Variants in HECW2 observed in about 807,000 individuals in gnomAD.
The protein encoded by HECW2 is E3 ubiquitin-protein ligase HECW2.
In HECW2, 61 loss-of-function variants were observed where a neutral mutation model predicts 175.2. The ratio of observed to expected loss-of-function variants is 0.35; its 90% CI spans 0.28 to 0.43. HECW2 has a LOEUF of 0.43. Among genes scored for constraint, HECW2 ranks in the 20% least tolerant of loss-of-function variants. The pLI, the probability that HECW2 is intolerant of heterozygous loss-of-function variation, is 1.00. For missense variants in HECW2, 1,524 were observed against 2,000.5 expected, an observed-to-expected ratio of 0.76 and a Z score of 4.54; for synonymous variants, 671 against 731.0, an observed-to-expected ratio of 0.92 and a Z score of 1.32.
chr2:196,303,804 T>C (rs1177982617), intron 13 of HECW2, among the ~76,000 whole-genome samples: 1 of 152,260 alleles, frequency 6.6e-6, no homozygotes, highest in African/African-American at 2.4e-5. Context: ...ATCTCTTTTC[T>C]ACTTTATTAG....
rs779364588 is a variant in HECW2, at chr2:196,248,631, C to CACACACAG, written c.3529+5288_3529+5289insCTGTGTGT. On this transcript the variant is annotated intron_variant, in intron 19 of 28. Coordinates refer to ENST00000644978, the MANE Select transcript of HECW2 (RefSeq NM_001348768.2). Reference sequence around the variant, plus strand: ...ACACACACACACACACACACACACACAGAGAGAGACAGAGAGGAATAGAGA... The same window carrying CACACACAG: ...ACACACACACACACACACACACACACACACACAGAGAGAGAGACAGAGAGGAATAGAGA... Among the ~76,000 whole-genome samples the CACACACAG allele has an allele frequency of 1.8e-3, 273 of 148,482 alleles. 4 individuals carry two copies. The highest frequency in any genetic ancestry group is 4.3e-3 in the African/African-American group (170 of 39,444).
intron 1 of HECW2, among the ~76,000 whole-genome samples, chr2:196,509,453 A>C (rs1031113275): frequency 1.3e-5 from 2 of 152,188 alleles, no homozygotes; most frequent in African/African-American, 4.8e-5. Context: ...CTGGAAGTCA[A>C]GGAGTAGGGC....
Position 196,329,588 on chromosome 2 carries a change from G to C in HECW2, c.558C>G (p.Ser186Arg). 6.2e-7 allele frequency: 1 copy of C among 1,613,260 alleles called. No homozygotes were observed. The highest frequency in any genetic ancestry group is 1.7e-5 in the Admixed American group (1 of 60,006). Residue 186 changes from serine (S) to arginine (R), a missense_variant, in exon 5 of 29, where the codon AGC (serine) becomes AGG (arginine). Physicochemically the swap from Ser to Arg is moderately radical, Grantham distance 110 (BLOSUM62 -1). Around this residue, in one of 11 missense-constraint regions of HECW2, gnomAD observed 54 missense variants for 46.8 expected, o/e 1.15. Transcript: ENST00000644978. ...SGNLHSRKLV[S>R]FTLSDLRAVG... ...AGACATTCTTACCTGACAATGTAAA[G>C]CTAACAAGTTTTCGAGAATGCAGGT...
At chr2:196,502,728 T>C (rs903739266) in intron 1 of HECW2, among the ~76,000 whole-genome samples, 1 of 152,196 alleles carries the variant, frequency 6.6e-6, no homozygotes, top group Non-Finnish European at 1.5e-5. Flanking sequence ...AGAGCAACTA[T>C]GGACGGTCCC....
intron 1 of HECW2, among the ~76,000 whole-genome samples, chr2:196,462,652 A>C (rs1348869725): frequency 6.6e-6 from 1 of 152,148 alleles, no homozygotes; most frequent in Admixed American, 6.5e-5. Context: ...ATAAACTTGT[A>C]AATCTCTGAA....
At chr2:196,312,249 G>GT (rs1374316044) in intron 10 of HECW2, among the ~76,000 whole-genome samples, 1 of 151,932 alleles carries the variant, frequency 6.6e-6, no homozygotes, top group Non-Finnish European at 1.5e-5. Flanking sequence ...GGGATGGGTG[G>GT]GGGGGTGCTA....
intron 1 of HECW2, among the ~76,000 whole-genome samples, chr2:196,571,760 T>A (rs1431720885): frequency 1.3e-5 from 2 of 151,942 alleles, no homozygotes; most frequent in Non-Finnish European, 2.9e-5. Context: ...GATGCTTCCA[T>A]ACAAAGCAAA....
rs1442775178 is a variant in HECW2, at chr2:196,486,138, A to T, written c.-35-52680T>A. Among the ~76,000 whole-genome samples, 4 of 152,302 alleles carry T rather than the reference A, an allele frequency of 2.6e-5. 1 individual carries two copies. In the East Asian group the frequency reaches 7.7e-4, roughly 29 times the overall value. The stretch of plus-strand genomic sequence containing the variant: ...CTAGATTGGGATACTGGCTACGTGG[A>T]ACATGTCTGGTAGGAAAGTTATGAA... On this transcript the variant is annotated intron_variant, in intron 1 of 28. Coordinates refer to ENST00000644978, the MANE Select transcript of HECW2 (RefSeq NM_001348768.2).
At chr2:196,235,346 T>C (rs1559454001) in intron 21 of HECW2, among the ~76,000 whole-genome samples, 1 of 151,920 alleles carries the variant, frequency 6.6e-6, no homozygotes, top group Non-Finnish European at 1.5e-5. Flanking sequence ...GTGATCTGCC[T>C]GCCTCAGCCT....
chr2:196,586,135 A>G (rs968851603), intron 1 of HECW2, among the ~76,000 whole-genome samples: 13 of 152,198 alleles, frequency 8.5e-5, no homozygotes, highest in African/African-American at 3.1e-4. Flanking sequence ...TACTATGCTT[A>G]TGATATAAAT....
At chr2:196,359,657 G>A (rs1693514950) in intron 2 of HECW2, among the ~76,000 whole-genome samples, 1 of 152,228 alleles carries the variant, frequency 6.6e-6, no homozygotes, top group Non-Finnish European at 1.5e-5. Flanking sequence ...TTGGTTAGGA[G>A]TAAATTATTC....
intron 2 of HECW2, among the ~76,000 whole-genome samples, chr2:196,421,121 T>C (rs950288714): frequency 3.3e-5 from 5 of 151,790 alleles, no homozygotes; most frequent in Admixed American, 1.3e-4. Context: ...GATGTGGGAG[T>C]AAAAACAACT....
intron 2 of HECW2, among the ~76,000 whole-genome samples, chr2:196,406,313 C>A (rs1366626581): frequency 6.6e-6 from 1 of 152,142 alleles, no homozygotes; most frequent in Non-Finnish European, 1.5e-5. Context: ...CTACTCTGGC[C>A]AACAATCAAG....
At chr2:196,473,814 A>T (rs1479271222) in intron 1 of HECW2, among the ~76,000 whole-genome samples, 4 of 152,232 alleles carry the variant, frequency 2.6e-5, no homozygotes, top group Admixed American at 6.5e-5. Context: ...TAGGAAACTG[A>T]ATGCCACTCT....
chr2:196,227,496 A>G (rs1407337261), intron 22 of HECW2, among the ~76,000 whole-genome samples: 1 of 152,196 alleles, frequency 6.6e-6, no homozygotes, highest in Non-Finnish European at 1.5e-5. Context: ...CCTGGTTACA[A>G]ACTTCAAATG....
At chr2:196,563,243 G>A (rs912059534) in intron 1 of HECW2, among the ~76,000 whole-genome samples, 1 of 152,066 alleles carries the variant, frequency 6.6e-6, no homozygotes, top group Non-Finnish European at 1.5e-5. Context: ...TAAAATAAAT[G>A]TTATAACGTT....
chr2:196,552,657 C>T (rs183900643), intron 1 of HECW2, among the ~76,000 whole-genome samples: 2 of 152,330 alleles, frequency 1.3e-5, no homozygotes, highest in East Asian at 3.9e-4. Context: ...CTCTCTCCCG[C>T]TCCCTATGGT....
chr2:196,222,071 A>G, intron 24 of HECW2, 140 bp downstream of exon 24: 1 of 636,456 alleles, frequency 1.6e-6, no homozygotes, highest in Non-Finnish European at 2.6e-6. Flanking sequence ...CGGTTATTAT[A>G]ACTGTGTGTG....
At position 196,248,631 on chromosome 2, in the gene HECW2, C is replaced by CACACAG. The variant is rs779364588; in HGVS notation, c.3529+5288_3529+5289insCTGTGT. Among the ~76,000 whole-genome samples the CACACAG allele has an allele frequency of 1.1e-3, 168 of 148,492 alleles. 1 individual carries two copies. The highest frequency in any genetic ancestry group is 1.5e-3 in the African/African-American group (60 of 39,446). On this transcript the variant is annotated intron_variant, in intron 19 of 28. Coordinates refer to ENST00000644978, the MANE Select transcript of HECW2 (RefSeq NM_001348768.2). The stretch of plus-strand genomic sequence containing the variant: ...ACACACACACACACACACACACACA[C>CACACAG]AGAGAGAGACAGAGAGGAATAGAGA...
Sources: gnomAD v4.1 joint callset for allele counts (sites outside exome capture counted in the v4.1 genomes callset) on GRCh38, gnomAD v4.1.1 for gene constraint, gnomAD v4.1.1 regional missense constraint, MANE v1.5 for transcripts, NCBI Gene and HGNC (gene_info 2026-07-23, HGNC 2026-07-21) for gene names.